Variants in MARK4 observed in about 807,000 individuals in gnomAD.
MARK4 encodes the protein microtubule affinity regulating kinase 4.
A neutral mutation model predicts 81.5 loss-of-function variants in MARK4; 19 were observed. The ratio of observed to expected loss-of-function variants is 0.23; its 90% confidence interval spans 0.16 to 0.34. MARK4 has a LOEUF of 0.34. Ranked by LOEUF, MARK4 falls within the 10% of genes least tolerant of loss-of-function variation. The pLI, the probability that MARK4 is intolerant of heterozygous loss-of-function variation, is 1.00. For missense variants in MARK4, 772 were observed against 1,058.8 expected (o/e 0.73, Z 3.76); for synonymous variants, 436 against 439.0 (o/e 0.99, Z 0.08).
chr19:45,257,326 T>C (rs1300812361), intron 1 of MARK4, among the ~76,000 whole-genome samples: 1 of 152,040 alleles, frequency 6.6e-6, no homozygotes, highest in African/African-American at 2.4e-5. Context: ...ATAGCTGTAA[T>C]GCTATTATTG....
At chr19:45,262,261 A>G (rs1970390168) in intron 2 of MARK4, among the ~76,000 whole-genome samples, 1 of 145,738 alleles carries the variant, frequency 6.9e-6, no homozygotes, top group South Asian at 2.2e-4. Flanking sequence ...CAGGAGGTCA[A>G]GGTTGCAGTG....
intron 12 of MARK4, among the ~76,000 whole-genome samples, chr19:45,280,966 ACT>A: frequency 6.6e-6 from 1 of 150,748 alleles, no homozygotes; most frequent in East Asian, 2.0e-4. Context: ...CAGAGCAGAC[ACT>A]CTCTGTCTTG....
chr19:45,278,250 A>G (rs1472252188), intron 9 of MARK4, among the ~76,000 whole-genome samples: 1 of 151,530 alleles, frequency 6.6e-6, no homozygotes, highest in Admixed American at 6.6e-5. Context: ...AGGCTCACCC[A>G]CTCCCTGCCT....
Position 45,271,337 on chromosome 19 carries a change from T to G in MARK4, c.550-135T>G. The G allele has an allele frequency of 2.5e-6, 2 of 785,214 alleles. No homozygotes were observed. The highest frequency in any genetic ancestry group is 4.2e-6 in the Non-Finnish European group (2 of 473,214). 48.6% of individuals were successfully genotyped at this position (785,214 alleles called of 1,614,324 possible). On this transcript the variant is annotated intron_variant, in intron 7 of 16. Coordinates refer to ENST00000262891, the MANE Select transcript of MARK4 (RefSeq NM_001199867.2). The surrounding 1 kb of genome is among the most constrained non-coding windows in gnomAD (Gnocchi z 4.1). The stretch of plus-strand genomic sequence containing the variant: ...GGTAAAGTTACTACCTAAGGTCAGG[T>G]AGAGAGTAAAGGACAGGCCCAAGAG...
intron 13 of MARK4, 188 bp downstream of exon 13, chr19:45,287,852 G>A: frequency 5.9e-6 from 4 of 681,822 alleles, no homozygotes; most frequent in Non-Finnish European, 1.1e-5. Context: ...ACTAACATTT[G>A]ATGTTAGCGT....
rs557474625 is a variant in MARK4, at chr19:45,273,268, A to G, written c.786+1560A>G. On this transcript the variant is annotated intron_variant, in intron 8 of 16. Transcript: ENST00000262891. ...GCTGGCCTGTGTCCACATTTGCTCT[A>G]TCTGTCTGTATTTGCACATGATCTT... Among the ~76,000 whole-genome samples the G allele has an allele frequency of 5.9e-5, 9 of 152,240 alleles. No homozygotes were observed. The South Asian group carries it at 1.7e-3, about 28-fold the overall frequency.
intron 6 of MARK4, 69 bp downstream of exon 6, chr19:45,264,979 C>A: frequency 1.3e-6 from 2 of 1,530,582 alleles, no homozygotes; most frequent in Non-Finnish European, 1.8e-6. Flanking sequence ...GAGAGCTGGG[C>A]ATGGTCTGGG....
chr19:45,287,483 G>C lies in MARK4; in HGVS notation c.1313G>C (p.Ser438Thr), dbSNP rs1162441471. 6.7e-7 allele frequency: 1 copy of C among 1,495,640 alleles called. No individual in the cohort carries two copies. Among genetic ancestry groups the C allele is most frequent in the Admixed American group, 2.3e-5 (1 of 43,024 alleles). 92.6% of individuals were successfully genotyped at this position (1,495,640 alleles called of 1,614,324 possible). A position where few individuals can be genotyped will look rare whatever the true frequency, so the allele number is the denominator to read the frequency against. Reference sequence around the variant, plus strand: ...CCTGCACCCCTGCACCCCAAACGCAGCCCGACGAGCACGGGGGAGGCGGAG... The same window carrying C: ...CCTGCACCCCTGCACCCCAAACGCACCCCGACGAGCACGGGGGAGGCGGAG... ...PSPAPLHPKRSPTSTGEAELK... is the reference protein window; with the variant it reads ...PSPAPLHPKRTPTSTGEAELK... Residue 438 changes from serine (S) to threonine (T), a missense_variant, in exon 13 of 17, where the codon AGC (serine) becomes ACC (threonine). Physicochemically the swap from Ser to Thr is moderately conservative, Grantham distance 58. Coordinates refer to ENST00000262891, the MANE Select transcript of MARK4 (RefSeq NM_001199867.2).
At chr19:45,290,252 C>T (rs778802459) in intron 13 of MARK4, among the ~76,000 whole-genome samples, 12 of 152,282 alleles carry the variant, frequency 7.9e-5, no homozygotes, top group African/African-American at 2.9e-4. Flanking sequence ...ACCAAGGTCT[C>T]ACTGCATGGC....
rs1305264528 is a variant in MARK4, at chr19:45,302,799, C to G, written c.*89C>G. ...GAAGGGGCCAGGGAGGGGATTCTCC[C>G]TTTATCATCACCTCAGTTTCCCTGA... is the stretch of plus-strand genomic sequence containing the variant. On this transcript the variant is annotated 3_prime_UTR_variant, in exon 17 of 17. Coordinates refer to ENST00000262891, the MANE Select transcript of MARK4 (RefSeq NM_001199867.2). This position sits in a 1 kb window ranked among gnomAD's most constrained non-coding sequence, Gnocchi z 4.9. 6.7e-7 allele frequency: 1 copy of G among 1,484,906 alleles called. No homozygotes were observed. Among genetic ancestry groups the G allele is most frequent in the Non-Finnish European group, 9.0e-7 (1 of 1,116,958 alleles). The allele number at this position is 1,484,906 out of a possible 1,614,324, so 92.0% of individuals were successfully genotyped here.
chr19:45,287,834 G>A (rs767211991), intron 13 of MARK4, 170 bp downstream of exon 13: 1 of 759,160 alleles, frequency 1.3e-6, no homozygotes, highest in Non-Finnish European at 2.3e-6. Flanking sequence ...CCTGAGCTCA[G>A]TTTATACACT....
chr19:45,292,357 C>T lies in MARK4; in HGVS notation c.1495-1992C>T, dbSNP rs58533730. On this transcript the variant is annotated intron_variant, in intron 13 of 16. Transcript: ENST00000262891. ...TAGAGTTTGAATTACATTAATGAGC[C>T]GTGTGACCTTGGGCAAGTAACTTCA... Among the ~76,000 whole-genome samples the T allele has an allele frequency of 6.7e-3, 1,018 of 152,260 alleles. 12 individuals are homozygous for T. Among genetic ancestry groups the T allele is most frequent in the African/African-American group, 0.022 (930 of 41,550 alleles).
chr19:45,268,716 A>T (rs1970487373), intron 7 of MARK4, among the ~76,000 whole-genome samples: 1 of 152,082 alleles, frequency 6.6e-6, no homozygotes, highest in African/African-American at 2.4e-5. Flanking sequence ...CTGCATTCCA[A>T]CCTGGGTAAC....
intron 1 of MARK4, among the ~76,000 whole-genome samples, chr19:45,258,287 C>G (rs1240006290): frequency 6.6e-6 from 1 of 152,182 alleles, no homozygotes; most frequent in African/African-American, 2.4e-5. Context: ...ACCTGGCCAC[C>G]TGGCCCATAA....
chr19:45,280,301 CAAA>C, intron 10 of MARK4, 70 bp from the exon 11 acceptor site: 1 of 1,341,406 alleles, frequency 7.5e-7, no homozygotes, highest in East Asian at 2.3e-5. Context: ...CACCCTGTCT[CAAA>C]AAAAAAGAGA....
At chr19:45,296,910 C>T (rs1292569398) in intron 14 of MARK4, among the ~76,000 whole-genome samples, 2 of 152,130 alleles carry the variant, frequency 1.3e-5, no homozygotes, top group Admixed American at 6.5e-5. Flanking sequence ...ACTACCCAGG[C>T]GTGGTGCTGC....
chr19:45,297,632 C>A, intron 14 of MARK4, 44 bp from the exon 15 acceptor site: 4 of 1,358,814 alleles, frequency 2.9e-6, no homozygotes, highest in East Asian at 2.3e-5. Flanking sequence ...GGGGCCCTGG[C>A]CTGCCTCAGT....
At chr19:45,257,537 C>T (rs987459803) in intron 1 of MARK4, among the ~76,000 whole-genome samples, 9 of 151,182 alleles carry the variant, frequency 6.0e-5, no homozygotes, top group Non-Finnish European at 1.2e-4. Flanking sequence ...GTGCGCGTCA[C>T]CATGTCCGGC....
chr19:45,295,773 C>T (rs887276), intron 14 of MARK4, among the ~76,000 whole-genome samples: 17,199 of 151,994 alleles, frequency 0.11, 1,116 homozygotes, highest in African/African-American at 0.17. Context: ...AGCAAGAATC[C>T]GTCTCATAAA....
Sources: allele counts gnomAD v4.1 joint callset (sites outside exome capture counted in the v4.1 genomes callset), GRCh38; gene constraint gnomAD v4.1.1; non-coding constraint Gnocchi (gnomAD v3.1); transcripts MANE v1.5; gene names NCBI Gene and HGNC (gene_info 2026-07-23, HGNC 2026-07-21).